ZHX2: variants seen among roughly 807,000 people sequenced by gnomAD.
ZHX2 encodes the protein zinc fingers and homeoboxes 2, also known as zinc fingers and homeoboxes protein 2.
Under a neutral mutation model 21.9 loss-of-function variants are expected in ZHX2, and 6 were observed. That is an observed-to-expected ratio of 0.27 (90% CI 0.15 to 0.54). The LOEUF (loss-of-function observed/expected upper bound fraction) is 0.54. Ranked by LOEUF, ZHX2 falls within the 20% of genes least tolerant of loss-of-function variation. The pLI is 0.95. For synonymous variants in ZHX2, 434 were observed against 437.1 expected (o/e 0.99, Z 0.09); for missense variants, 908 against 1,090.7 (o/e 0.83, Z 2.36).
At chr8:122,909,820 T>C (rs1820434903) in intron 2 of ZHX2, among the ~76,000 whole-genome samples, 1 of 152,214 alleles carries the variant, frequency 6.6e-6, no homozygotes, top group Non-Finnish European at 1.5e-5. Flanking sequence ...CCATCCATCT[T>C]GCAGCCTGCA....
At chr8:122,805,419 C>T (rs966401138) in intron 1 of ZHX2, among the ~76,000 whole-genome samples, 36 of 152,156 alleles carry the variant, frequency 2.4e-4, no homozygotes, top group Middle Eastern at 3.4e-3. Context: ...ATCTGAGTGA[C>T]CCCCCACCCC....
intron 1 of ZHX2, among the ~76,000 whole-genome samples, chr8:122,855,094 C>T (rs1818997369): frequency 6.6e-6 from 1 of 152,192 alleles, no homozygotes; most frequent in South Asian, 2.1e-4. Flanking sequence ...GGAATCTTAG[C>T]TCTGGCCTCT....
chr8:122,815,972 A>G (rs1342481212), intron 1 of ZHX2, among the ~76,000 whole-genome samples: 2 of 149,486 alleles, frequency 1.3e-5, no homozygotes, highest in African/African-American at 2.5e-5. Context: ...CCCAGCTACT[A>G]GGGAGGCTGA....
intron 1 of ZHX2, among the ~76,000 whole-genome samples, chr8:122,806,843 T>A (rs1452901069): frequency 6.6e-6 from 1 of 152,218 alleles, no homozygotes; most frequent in Non-Finnish European, 1.5e-5. Context: ...TAAAACTGTT[T>A]GCCCCATTTC....
At chr8:122,796,885 G>A (rs1209139937) in intron 1 of ZHX2, among the ~76,000 whole-genome samples, 1 of 152,160 alleles carries the variant, frequency 6.6e-6, no homozygotes, top group African/African-American at 2.4e-5. Flanking sequence ...CAGATTCCTC[G>A]GGTGCCTGCT....
At chr8:122,954,147 C>A in intron 3 of ZHX2, 119 bp downstream of exon 3, 1 of 885,680 alleles carries the variant, frequency 1.1e-6, no homozygotes, top group Non-Finnish European at 1.7e-6. Flanking sequence ...GCGTCTTTTT[C>A]TTGTAATTAA....
At chr8:122,873,089 A>T (rs1563762896) in intron 2 of ZHX2, among the ~76,000 whole-genome samples, 1 of 152,248 alleles carries the variant, frequency 6.6e-6, no homozygotes, top group African/African-American at 2.4e-5. Flanking sequence ...GTGGGACCAC[A>T]TGGACCAAGA....
intron 1 of ZHX2, among the ~76,000 whole-genome samples, chr8:122,829,157 C>T (rs934199068): frequency 5.3e-5 from 8 of 152,042 alleles, no homozygotes; most frequent in Non-Finnish European, 1.0e-4. Context: ...ACAGATATGC[C>T]CAAAGATGGA....
At chr8:122,932,427 T>C (rs1207495687) in intron 2 of ZHX2, among the ~76,000 whole-genome samples, 1 of 152,238 alleles carries the variant, frequency 6.6e-6, no homozygotes, top group Non-Finnish European at 1.5e-5. Context: ...CCTTGCCTTC[T>C]CCGGCCTCTG....
At chr8:122,811,216 CA>C (rs1002079236) in intron 1 of ZHX2, among the ~76,000 whole-genome samples, 2 of 151,646 alleles carry the variant, frequency 1.3e-5, no homozygotes, top group African/African-American at 4.8e-5. Flanking sequence ...CCTATCACTA[CA>C]AAAAAATACA....
chr8:122,896,576 A>G (rs1157020699), intron 2 of ZHX2, among the ~76,000 whole-genome samples: 10 of 152,262 alleles, frequency 6.6e-5, no homozygotes, highest in Admixed American at 5.2e-4. Context: ...ATGATGCAAC[A>G]TGCTAAGGCT....
At chr8:122,792,099 C>T (rs1289965023) in intron 1 of ZHX2, among the ~76,000 whole-genome samples, 1 of 152,126 alleles carries the variant, frequency 6.6e-6, no homozygotes, top group Non-Finnish European at 1.5e-5. Flanking sequence ...AGAAAGAGAT[C>T]CTGTGTACCC....
At chr8:122,811,748 C>T (rs12544338) in intron 1 of ZHX2, among the ~76,000 whole-genome samples, 13,838 of 152,234 alleles carry the variant, frequency 0.091, 928 homozygotes, top group East Asian at 0.22. Context: ...AGAGCGTTTA[C>T]GTAAAGACCC....
chr8:122,780,523 C>A (rs559397706), upstream of ZHX2: 29 of 152,416 alleles, frequency 1.9e-4, no homozygotes, highest in African/African-American at 6.7e-4. Context: ...AGACAGGTTG[C>A]CGCCTGAGAT....
intron 3 of ZHX2, among the ~76,000 whole-genome samples, chr8:122,957,957 T>C (rs1813352251): frequency 6.6e-6 from 1 of 152,248 alleles, no homozygotes; most frequent in Non-Finnish European, 1.5e-5. Flanking sequence ...TTCATAAATA[T>C]TCAGTGATGT....
In ZHX2 at chr8:122,945,859, C is replaced by T. The variant is rs542150220; in HGVS notation, c.-219-5433C>T. Among the ~76,000 whole-genome samples, 6 of 152,300 alleles carry T rather than the reference C, an allele frequency of 3.9e-5. No homozygotes were observed. In the South Asian group the frequency reaches 1.0e-3, roughly 26 times the overall value. ...GTCTACAGCCATACCACCCTGAATG[C>T]GCCCGGTCTCGTCAGACAGGGGATG... On this transcript the variant is annotated intron_variant, in intron 2 of 3. Transcript: ENST00000314393.
chr8:122,800,576 C>T (rs1343828563), intron 1 of ZHX2, among the ~76,000 whole-genome samples: 2 of 152,222 alleles, frequency 1.3e-5, no homozygotes, highest in Non-Finnish European at 2.9e-5. Flanking sequence ...CACAGTGACA[C>T]TTATCCAGGA....
chr8:122,847,050 G>A lies in ZHX2; in HGVS notation c.-282-16427G>A, dbSNP rs76260721. 5.0e-3 allele frequency among the ~76,000 whole-genome samples: 754 copies of A among 152,262 alleles called. 8 individuals are homozygous for A. The highest frequency in any genetic ancestry group is 0.017 in the African/African-American group (692 of 41,544). On this transcript the variant is annotated intron_variant, in intron 1 of 3. Coordinates refer to ENST00000314393, the MANE Select transcript of ZHX2 (RefSeq NM_014943.5). ...TTGTTGTTATTGCGATTAGCCTCCAGATAGAGAAACTGAGGCATGATGAGG... is the reference window on the plus strand; with the variant it reads ...TTGTTGTTATTGCGATTAGCCTCCAAATAGAGAAACTGAGGCATGATGAGG...
At chr8:122,789,034 G>A (rs1177446690) in intron 1 of ZHX2, among the ~76,000 whole-genome samples, 1 of 152,214 alleles carries the variant, frequency 6.6e-6, no homozygotes, top group Non-Finnish European at 1.5e-5. Context: ...CTGGAGAGAA[G>A]GAATCCCCGT....
Sources: allele counts gnomAD v4.1 joint callset (sites outside exome capture counted in the v4.1 genomes callset), GRCh38; gene constraint gnomAD v4.1.1; transcripts MANE v1.5; gene names NCBI Gene and HGNC (gene_info 2026-07-23, HGNC 2026-07-21).